The following MFAP3L variants were observed in gnomAD, a reference collection of about 807,000 sequenced individuals.
MFAP3L encodes microfibril associated protein 3 like, also known as microfibrillar-associated protein 3-like.
In MFAP3L, 5 loss-of-function variants were observed where a neutral mutation model predicts 20.0. That is an observed-to-expected ratio of 0.25 (90% CI 0.13 to 0.53). The LOEUF is 0.53. MFAP3L is among the 20% of genes least tolerant of loss of function. The probability of loss-of-function intolerance (pLI) is 0.96; values close to 1 mark genes in which losing one functional copy is unlikely to be tolerated. For synonymous variants in MFAP3L, 219 were observed against 213.0 expected (o/e 1.03, Z -0.25); for missense variants, 409 against 527.5 (o/e 0.78, Z 2.20).
At chr4:170,018,444 C>T (rs79303939) in intron 1 of MFAP3L, among the ~76,000 whole-genome samples, 2,647 of 152,228 alleles carry the variant, frequency 0.017, 32 homozygotes, top group Non-Finnish European at 0.026. Context: ...ATAAAGAGGA[C>T]TTTGGAACAT....
In MFAP3L at chr4:170,008,832, C is replaced by T. The variant is rs74426337; in HGVS notation, c.-133-2822G>A. Among the ~76,000 whole-genome samples, 1,398 of 152,288 alleles carry T rather than the reference C, an allele frequency of 9.2e-3. 25 individuals carry two copies. The highest frequency in any genetic ancestry group is 0.032 in the African/African-American group (1,339 of 41,552). On this transcript the variant is annotated intron_variant, in intron 1 of 2. Transcript: ENST00000361618. The stretch of plus-strand genomic sequence containing the variant: ...TTTTGAGTAAATTCCTTCTCGATTA[C>T]AAGGACAGCTCCTGGATAGCAAAAA...
upstream of MFAP3L, among the ~76,000 whole-genome samples, chr4:170,026,678 A>C (rs929351916): frequency 5.9e-5 from 9 of 152,108 alleles, no homozygotes; most frequent in African/African-American, 2.2e-4. Context: ...CCACACCCGC[A>C]GGCCCAGGGC....
In MFAP3L at chr4:169,987,701, C is replaced by T. The variant is rs1324733930; in HGVS notation, c.*3677G>A. The T allele has an allele frequency of 6.6e-6, 1 of 152,244 alleles. No homozygotes were observed. The highest frequency in any genetic ancestry group is 6.5e-5 in the Admixed American group (1 of 15,298). The allele number at this position is 152,244 out of a possible 1,614,324, so 9.4% of individuals were successfully genotyped here. A position where few individuals can be genotyped will look rare whatever the true frequency, so the allele number is the denominator to read the frequency against. On this transcript the variant is annotated 3_prime_UTR_variant, in exon 3 of 3. Transcript: ENST00000361618. ...ATGCTGTTCCAAACATGCAAATGTC[C>T]TTTGTACCTGATTTTCTTCATGTGC...
intron 2 of MFAP3L, among the ~76,000 whole-genome samples, chr4:169,995,692 T>C (rs1024007308): frequency 6.6e-6 from 1 of 152,298 alleles, no homozygotes. Context: ...ACACCCACGG[T>C]GACTATCACA....
chr4:170,002,094 C>T, intron 2 of MFAP3L: 1 of 985,056 alleles, frequency 1.0e-6, no homozygotes, highest in African/African-American at 1.8e-5. Context: ...GCCATGTACA[C>T]ACACATGTTC....
Position 170,005,570 on chromosome 4 carries a change from T to C in MFAP3L, c.298+10A>G. ...TTTATTATGACATTTGATACAACTT[T>C]AAAGCCTACCTCCTCCTCTCTCCTT... On this transcript the variant is annotated intron_variant, in intron 2 of 2. Coordinates refer to ENST00000361618, the MANE Select transcript of MFAP3L (RefSeq NM_021647.8). 1 of 1,612,378 alleles carries C rather than the reference T, an allele frequency of 6.2e-7. No homozygotes were observed. The highest frequency in any genetic ancestry group is 8.5e-7 in the Non-Finnish European group (1 of 1,178,564).
chr4:170,000,873 C>A (rs756730264), intron 2 of MFAP3L, among the ~76,000 whole-genome samples: 2 of 152,086 alleles, frequency 1.3e-5, no homozygotes, highest in African/African-American at 2.4e-5. Context: ...CAGGTATGTG[C>A]CACCAAGCCC....
At chr4:170,011,740 G>A (rs761258623) in intron 1 of MFAP3L, among the ~76,000 whole-genome samples, 6 of 152,150 alleles carry the variant, frequency 3.9e-5, no homozygotes, top group Non-Finnish European at 8.8e-5. Context: ...ACAGTTACAG[G>A]ACAGTGTGAC....
chr4:170,019,263 T>C (rs926562571), intron 1 of MFAP3L, among the ~76,000 whole-genome samples: 3 of 152,182 alleles, frequency 2.0e-5, no homozygotes, highest in Non-Finnish European at 4.4e-5. Context: ...AAGGTACAGA[T>C]ACAGCCTGGT....
chr4:169,995,832 A>G (rs990674452), intron 2 of MFAP3L, among the ~76,000 whole-genome samples: 9 of 152,218 alleles, frequency 5.9e-5, no homozygotes, highest in African/African-American at 1.9e-4. Context: ...CAGCACAAAT[A>G]AAACCCAAAA....
At chr4:169,999,395 T>C (rs1399016038) in intron 2 of MFAP3L, among the ~76,000 whole-genome samples, 3 of 152,200 alleles carry the variant, frequency 2.0e-5, no homozygotes, top group African/African-American at 7.2e-5. Flanking sequence ...ACCTACTGTC[T>C]TTTTATTTCC....
At chr4:169,994,791 C>T (rs1269640690) in intron 2 of MFAP3L, among the ~76,000 whole-genome samples, 1 of 152,200 alleles carries the variant, frequency 6.6e-6, no homozygotes, top group Non-Finnish European at 1.5e-5. Context: ...TATTCAGATT[C>T]TTAGCCCAGC....
chr4:169,991,717 G>C lies in MFAP3L; in HGVS notation c.891C>G (p.Asp297Glu). 1 of 1,614,154 alleles carries C rather than the reference G, an allele frequency of 6.2e-7. No individual in the cohort carries two copies. Among genetic ancestry groups the C allele is most frequent in the Non-Finnish European group, 8.5e-7 (1 of 1,180,040 alleles). ...AGGCGTCCGAGTCAGCGGCAGGGGA[G>C]TCGCTCCGCTTCAGAGAGTTGGGGA... The part of the protein sequence containing the change: ...YTIPNSLKRS[D>E]SPAADSDASS... Residue 297 changes from aspartate to glutamate, a missense_variant, in exon 3 of 3, where the codon GAC becomes GAG. By Grantham distance (45) the Asp-to-Glu change is conservative (BLOSUM62 2). This residue lies in a region of MFAP3L where 169 missense variants were observed against 178.2 expected (regional missense o/e 0.95). Transcript: ENST00000361618. This position sits in a 1 kb window ranked among gnomAD's most constrained non-coding sequence, Gnocchi z 4.9.
rs1471737921 is a variant in MFAP3L, at chr4:169,989,005, A to T, written c.*2373T>A. 1 of 152,204 alleles carries T rather than the reference A, an allele frequency of 6.6e-6. No individual in the cohort carries two copies. The highest frequency in any genetic ancestry group is 1.5e-5 in the Non-Finnish European group (1 of 68,026). The allele number at this position is 152,204 out of a possible 1,614,324, so 9.4% of individuals were successfully genotyped here. ...CCTACACATGGGTTTGGGTGGAATG[A>T]CAACTGAATAGGATGGGGTAACATC... On this transcript the variant is annotated 3_prime_UTR_variant, in exon 3 of 3. Coordinates refer to ENST00000361618, the MANE Select transcript of MFAP3L (RefSeq NM_021647.8).
chr4:170,018,785 G>T (rs1413552527), intron 1 of MFAP3L, among the ~76,000 whole-genome samples: 1 of 152,078 alleles, frequency 6.6e-6, no homozygotes, highest in African/African-American at 2.4e-5. Context: ...AAAACAAAAC[G>T]ACAACAACAA....
chr4:169,994,113 T>C (rs990607490), intron 2 of MFAP3L: 1 of 938,666 alleles, frequency 1.1e-6, no homozygotes, highest in African/African-American at 1.8e-5. Context: ...AGAACAAAAG[T>C]CTAACTGATT....
chr4:170,011,654 T>C (rs762931001), intron 1 of MFAP3L, among the ~76,000 whole-genome samples: 9 of 152,114 alleles, frequency 5.9e-5, no homozygotes, highest in Non-Finnish European at 1.3e-4. Context: ...CTTCCCCCTC[T>C]TGTCAGAATC....
chr4:170,016,954 T>C (rs1167989831), intron 1 of MFAP3L, among the ~76,000 whole-genome samples: 1 of 152,200 alleles, frequency 6.6e-6, no homozygotes, highest in Non-Finnish European at 1.5e-5. Context: ...GCCAGAAATG[T>C]ATGCTCTTGT....
At position 169,989,203 on chromosome 4, in the gene MFAP3L, C is replaced by T. The variant is rs1406593024; in HGVS notation, c.*2175G>A. 6.6e-6 allele frequency: 1 copy of T among 152,192 alleles called. No homozygotes were observed. Among genetic ancestry groups the T allele is most frequent in the Non-Finnish European group, 1.5e-5 (1 of 68,028 alleles). The allele number at this position is 152,192 out of a possible 1,614,324, so 9.4% of individuals were successfully genotyped here. On this transcript the variant is annotated 3_prime_UTR_variant, in exon 3 of 3. Coordinates refer to ENST00000361618, the MANE Select transcript of MFAP3L (RefSeq NM_021647.8). Reference sequence around the variant, plus strand: ...TACAATGCTAGTCCAGAAAGCCCAACAGGAGTCATAATTTCTCCTGATTTC... The same window carrying T: ...TACAATGCTAGTCCAGAAAGCCCAATAGGAGTCATAATTTCTCCTGATTTC...
Sources: gnomAD v4.1 joint callset for allele counts (sites outside exome capture counted in the v4.1 genomes callset) on GRCh38, gnomAD v4.1.1 for gene constraint, gnomAD v4.1.1 regional missense constraint, Gnocchi (gnomAD v3.1) non-coding constraint, MANE v1.5 for transcripts, NCBI Gene and HGNC (gene_info 2026-07-23, HGNC 2026-07-21) for gene names.